ACTR3B: variants seen among roughly 807,000 people sequenced by gnomAD.
ACTR3B encodes the protein actin related protein 3B.
In ACTR3B, 8 loss-of-function variants were observed where a neutral mutation model predicts 59.0. The ratio of observed to expected loss-of-function variants is 0.14; its 90% CI spans 0.08 to 0.24. The LOEUF (loss-of-function observed/expected upper bound fraction) is 0.24, where lower values mean the gene tolerates loss of function less well. Among genes scored for constraint, ACTR3B ranks in the 10% least tolerant of loss-of-function variants. ACTR3B has a pLI of 1.00. For synonymous variants in ACTR3B, 148 were observed against 197.9 expected (o/e 0.75, Z 2.12); for missense variants, 245 against 552.3 (o/e 0.44, Z 5.58).
At chr7:152,835,170 G>A (rs1157655184) in intron 9 of ACTR3B, among the ~76,000 whole-genome samples, 4 of 152,202 alleles carry the variant, frequency 2.6e-5, no homozygotes, top group Non-Finnish European at 1.5e-5. Flanking sequence ...CAAGCCGCGT[G>A]GGTCTCCACG....
intron 9 of ACTR3B, among the ~76,000 whole-genome samples, chr7:152,836,903 G>T (rs1201134502): frequency 1.3e-5 from 2 of 152,182 alleles, no homozygotes; most frequent in Non-Finnish European, 2.9e-5. Flanking sequence ...GGCCTTCATG[G>T]CTCATGTGTG....
intron 2 of ACTR3B, among the ~76,000 whole-genome samples, chr7:152,791,902 C>CT (rs1434697007): frequency 6.6e-6 from 1 of 151,952 alleles, no homozygotes; most frequent in African/African-American, 2.4e-5. Context: ...CAGTGTGTGC[C>CT]TTTTTTTGGG....
intron 2 of ACTR3B, among the ~76,000 whole-genome samples, chr7:152,792,328 T>C (rs1409182116): frequency 6.6e-6 from 1 of 152,226 alleles, no homozygotes; most frequent in African/African-American, 2.4e-5. Context: ...TTATGATCCA[T>C]ATTTTTGCTC....
chr7:152,791,536 C>A (rs1460977547), intron 2 of ACTR3B, among the ~76,000 whole-genome samples: 2 of 152,242 alleles, frequency 1.3e-5, no homozygotes, highest in Non-Finnish European at 2.9e-5. Context: ...AATATTATAA[C>A]CAGAAGTGAG....
intron 5 of ACTR3B, among the ~76,000 whole-genome samples, chr7:152,815,883 G>C (rs1313921876): frequency 6.6e-6 from 1 of 152,016 alleles, no homozygotes; most frequent in Non-Finnish European, 1.5e-5. Flanking sequence ...AAAATCTTAT[G>C]ATTCTATAAT....
chr7:152,773,855 G>C (rs1287066993), intron 1 of ACTR3B, among the ~76,000 whole-genome samples: 1 of 152,138 alleles, frequency 6.6e-6, no homozygotes, highest in Non-Finnish European at 1.5e-5. Context: ...CAGCAGTGTG[G>C]GGCGGGAGAG....
intron 9 of ACTR3B, among the ~76,000 whole-genome samples, chr7:152,845,641 G>A (rs1798211721): frequency 6.6e-6 from 1 of 152,232 alleles, no homozygotes; most frequent in Non-Finnish European, 1.5e-5. Flanking sequence ...AGAATCTCTT[G>A]AGATGGATGC....
chr7:152,842,003 G>T (rs1461668445), intron 9 of ACTR3B, among the ~76,000 whole-genome samples: 1 of 152,182 alleles, frequency 6.6e-6, no homozygotes, highest in African/African-American at 2.4e-5. Context: ...GGTACAGAAG[G>T]GAACCATCGC....
intron 9 of ACTR3B, among the ~76,000 whole-genome samples, chr7:152,844,045 A>G (rs2966500): frequency 0.11 from 17,082 of 152,124 alleles, 1,108 homozygotes; most frequent in Non-Finnish European, 0.15. Context: ...CTGAGCTTGA[A>G]ATTCTTTCTA....
intron 2 of ACTR3B, among the ~76,000 whole-genome samples, chr7:152,800,098 G>A (rs989135356): frequency 1.3e-5 from 2 of 151,208 alleles, no homozygotes; most frequent in African/African-American, 4.9e-5. Context: ...ACATTTTAAG[G>A]CTATGTGATG....
rs565247998 is a variant in ACTR3B, at chr7:152,806,863, C to T, written c.336+5132C>T. ...CAGTGGTCTGTCAGTCACAAACTTG[C>T]AGTGTTGGTAAGAGCAACTCACAAT... is the stretch of plus-strand genomic sequence containing the variant. On this transcript the variant is annotated intron_variant, in intron 4 of 11. Coordinates refer to ENST00000256001, the MANE Select transcript of ACTR3B (RefSeq NM_020445.6). 2.0e-5 allele frequency among the ~76,000 whole-genome samples: 3 copies of T among 152,332 alleles called. No homozygotes were observed. The East Asian group carries it at 5.8e-4, about 29-fold the overall frequency.
At chr7:152,853,604 G>A (rs769377813) in intron 11 of ACTR3B, 27 bp downstream of exon 11, 2 of 1,595,168 alleles carry the variant, frequency 1.3e-6, no homozygotes, top group South Asian at 2.2e-5. Context: ...AGGGCTCTGT[G>A]TCTCCATTCC....
chr7:152,853,536 C>T lies in ACTR3B; in HGVS notation c.1120C>T (p.Arg374Cys), dbSNP rs201475825. 2.9e-5 allele frequency: 47 copies of T among 1,612,596 alleles called. No individual in the cohort carries two copies. The highest frequency in any genetic ancestry group is 4.4e-5 in the South Asian group (4 of 90,988). The change falls in exon 11 of 12, where the codon CGC becomes TGC. Residue 374 changes from arginine (R) to cysteine (C), a missense_variant. Arg to Cys is a radical substitution (Grantham distance 180). Coordinates refer to ENST00000256001, the MANE Select transcript of ACTR3B (RefSeq NM_020445.6). ...CCAGGTGGTCACGCATCACATGCAG[C>T]GCTACGCCGTGTGGTTCGGAGGCTC... is the stretch of plus-strand genomic sequence containing the variant. Reference protein sequence around the residue: ...EVQVVTHHMQRYAVWFGGSML... With the variant: ...EVQVVTHHMQCYAVWFGGSML...
Position 152,793,726 on chromosome 7 carries a change from G to A in ACTR3B, c.101-6805G>A, listed in dbSNP as rs1449328326. ...TCTCTTTTCAGTTGAGATGTTACTG[G>A]TTTTTGCCATGGTGAGAGTTTTAAA... On this transcript the variant is annotated intron_variant, in intron 2 of 11. Coordinates refer to ENST00000256001, the MANE Select transcript of ACTR3B (RefSeq NM_020445.6). Among the ~76,000 whole-genome samples, 4 of 151,050 alleles carry A rather than the reference G, an allele frequency of 2.6e-5. No homozygotes were observed. In the East Asian group the frequency reaches 5.9e-4, roughly 22 times the overall value.
chr7:152,845,223 G>A (rs147603930), intron 9 of ACTR3B, among the ~76,000 whole-genome samples: 51 of 151,878 alleles, frequency 3.4e-4, no homozygotes, highest in East Asian at 2.7e-3. Context: ...TGGACTCAGA[G>A]CACCCCTCAG....
At chr7:152,769,300 A>G (rs1242727604) in intron 1 of ACTR3B, among the ~76,000 whole-genome samples, 3 of 152,220 alleles carry the variant, frequency 2.0e-5, no homozygotes, top group Non-Finnish European at 4.4e-5. Context: ...TTGGTTATCT[A>G]GATAGAAATA....
In ACTR3B at chr7:152,853,496, G is replaced by C; in HGVS notation, c.1080G>C (p.Pro360=). 1.2e-6 allele frequency: 2 copies of C among 1,613,816 alleles called. No individual in the cohort carries two copies. Among genetic ancestry groups the C allele is most frequent in the Admixed American group, 1.7e-5 (1 of 59,992 alleles). Residue 360 remains proline (P), a splice_region_variant and synonymous_variant, in exon 11 of 12, where the codon CCG becomes CCC. Coordinates refer to ENST00000256001, the MANE Select transcript of ACTR3B (RefSeq NM_020445.6). ...GTGAGAGCTGCTTTCTCTTCCAGCC[G>C]AAGCCTGTGGAGGTCCAGGTGGTCA... The part of the protein sequence containing the change: ...SEELSGGRIK[P]KPVEVQVVTH...
At chr7:152,827,668 C>T (rs1378256343) in intron 9 of ACTR3B, among the ~76,000 whole-genome samples, 7 of 150,856 alleles carry the variant, frequency 4.6e-5, no homozygotes, top group Admixed American at 3.3e-4. Flanking sequence ...ACAGCTGGTG[C>T]GCCATTCCAC....
chr7:152,811,527 A>G (rs1485313575), intron 4 of ACTR3B: 2 of 152,238 alleles, frequency 1.3e-5, no homozygotes, highest in African/African-American at 2.4e-5. Flanking sequence ...TTTTTTAAAA[A>G]TGTTATGCTT....
Sources: gnomAD v4.1 joint callset for allele counts (sites outside exome capture counted in the v4.1 genomes callset) on GRCh38, gnomAD v4.1.1 for gene constraint, MANE v1.5 for transcripts, NCBI Gene and HGNC (gene_info 2026-07-23, HGNC 2026-07-21) for gene names.